The following NKAIN3 variants were observed in gnomAD, a reference collection of about 807,000 sequenced individuals.
NKAIN3 encodes sodium/potassium-transporting ATPase subunit beta-1-interacting protein 3.
NKAIN3 carries 25 observed loss-of-function variants against 30.2 expected under a neutral mutation model. That is an observed-to-expected ratio of 0.83 (90% CI 0.60 to 1.16). The LOEUF is 1.16. Among genes scored for constraint, NKAIN3 ranks in the 50% most tolerant of loss-of-function variants. The probability of loss-of-function intolerance (pLI) is 0.00; values close to 1 mark genes in which losing one functional copy is unlikely to be tolerated. For synonymous variants in NKAIN3, 91 were observed against 89.6 expected (o/e 1.02, Z -0.09); for missense variants, 225 against 254.1 (o/e 0.89, Z 0.78).
At chr8:62,855,685 G>A in intron 4 of NKAIN3, 2 of 1,602,746 alleles carry the variant, frequency 1.2e-6, no homozygotes, top group Non-Finnish European at 1.7e-6. Context: ...TCTCAAAGCT[G>A]TCACTTCTGC....
chr8:62,915,246 C>A (rs1380768252), intron 4 of NKAIN3, among the ~76,000 whole-genome samples: 1 of 152,084 alleles, frequency 6.6e-6, no homozygotes, highest in South Asian at 2.1e-4. Flanking sequence ...ACATGGCAAA[C>A]GAGAATGAAT....
At chr8:62,538,315 T>C (rs1808730880) in intron 1 of NKAIN3, among the ~76,000 whole-genome samples, 2 of 151,968 alleles carry the variant, frequency 1.3e-5, no homozygotes, top group East Asian at 1.9e-4. Context: ...GCAAGGACCA[T>C]AGGCACCCAC....
At chr8:62,898,228 GA>G (rs5891877) in intron 4 of NKAIN3, among the ~76,000 whole-genome samples, 9 of 151,788 alleles carry the variant, frequency 5.9e-5, no homozygotes, top group South Asian at 4.2e-4. Context: ...GGAATCAAAG[GA>G]AAAAAATCAT....
At chr8:62,306,925 C>T (rs186920162) in intron 1 of NKAIN3, among the ~76,000 whole-genome samples, 3 of 150,154 alleles carry the variant, frequency 2.0e-5, no homozygotes, top group Non-Finnish European at 4.4e-5. Context: ...GCATACTGGT[C>T]ATGACCTTAC....
Position 62,819,588 on chromosome 8 carries a change from G to T in NKAIN3, c.471+72459G>T, listed in dbSNP as rs187852776. On this transcript the variant is annotated intron_variant, in intron 4 of 6. Coordinates refer to ENST00000623646, the MANE Select transcript of NKAIN3 (RefSeq NM_001304533.3). The stretch of plus-strand genomic sequence containing the variant: ...ATTTTCTTCTCAGTCATAGTCTCTT[G>T]TATTTCAGTTAGGTACCAGCCATGT... Among the ~76,000 whole-genome samples the T allele has an allele frequency of 5.3e-5, 8 of 151,996 alleles. No individual in the cohort carries two copies. The East Asian group carries it at 1.4e-3, about 26-fold the overall frequency.
chr8:62,655,904 G>C (rs1248824238), intron 3 of NKAIN3, among the ~76,000 whole-genome samples: 1 of 152,106 alleles, frequency 6.6e-6, no homozygotes, highest in Non-Finnish European at 1.5e-5. Flanking sequence ...ATAGGGTATG[G>C]GAAGTTACTA....
intron 1 of NKAIN3, among the ~76,000 whole-genome samples, chr8:62,500,068 C>A (rs1403247970): frequency 6.6e-6 from 1 of 151,958 alleles, no homozygotes; most frequent in Non-Finnish European, 1.5e-5. Context: ...GCATGAGTAC[C>A]GCTTGTCACT....
In NKAIN3 at chr8:62,983,987, G is replaced by A. The variant is rs978162754; in HGVS notation, c.*18580G>A. 4 of 152,174 alleles carry A rather than the reference G, an allele frequency of 2.6e-5. No homozygotes were observed. Among genetic ancestry groups the A allele is most frequent in the Non-Finnish European group, 5.9e-5 (4 of 68,038 alleles). 9.4% of individuals were successfully genotyped at this position (152,174 alleles called of 1,614,324 possible). A position where few individuals can be genotyped will look rare whatever the true frequency, so the allele number is the denominator to read the frequency against. ...CAGACTAGGCAACTAAAGGAACTCA[G>A]TAAAAGATCAAAAGCAATGCTCAAA... is the stretch of plus-strand genomic sequence containing the variant. On this transcript the variant is annotated 3_prime_UTR_variant, in exon 7 of 7. Transcript: ENST00000623646.
intron 4 of NKAIN3, among the ~76,000 whole-genome samples, chr8:62,823,570 T>G (rs980381296): frequency 3.3e-5 from 5 of 152,176 alleles, no homozygotes; most frequent in African/African-American, 1.2e-4. Context: ...AAAAGAAGAA[T>G]GTTGCTTTGA....
chr8:62,635,549 G>T (rs1207285044), intron 3 of NKAIN3, among the ~76,000 whole-genome samples: 1 of 152,060 alleles, frequency 6.6e-6, no homozygotes, highest in Non-Finnish European at 1.5e-5. Flanking sequence ...TTAGTATGTT[G>T]ACAGCCTAAC....
intron 5 of NKAIN3, among the ~76,000 whole-genome samples, chr8:62,929,251 A>C (rs1399946161): frequency 1.3e-5 from 2 of 152,208 alleles, no homozygotes; most frequent in African/African-American, 2.4e-5. Flanking sequence ...AGTGAATTAA[A>C]GGGCAGATTG....
chr8:62,890,743 CCT>C (rs1821275080), intron 4 of NKAIN3, among the ~76,000 whole-genome samples: 1 of 152,162 alleles, frequency 6.6e-6, no homozygotes, highest in Non-Finnish European at 1.5e-5. Context: ...ATTGAGGTAC[CCT>C]CTCTGCAGGC....
At chr8:62,420,712 C>T (rs756949171) in intron 1 of NKAIN3, among the ~76,000 whole-genome samples, 151 of 151,708 alleles carry the variant, frequency 1.0e-3, no homozygotes, top group Non-Finnish European at 1.9e-3. Context: ...TTAAGATTAA[C>T]CAAATTTCAA....
At chr8:62,398,606 A>C (rs2129595074) in intron 1 of NKAIN3, among the ~76,000 whole-genome samples, 1 of 152,330 alleles carries the variant, frequency 6.6e-6, no homozygotes, top group East Asian at 1.9e-4. Flanking sequence ...ACACGTTACA[A>C]GCCTCAATAG....
intron 2 of NKAIN3, among the ~76,000 whole-genome samples, chr8:62,587,188 C>T (rs1462261280): frequency 1.3e-5 from 2 of 151,882 alleles, no homozygotes; most frequent in African/African-American, 2.4e-5. Context: ...CTTTTATACT[C>T]ATGATCAGAT....
intron 1 of NKAIN3, among the ~76,000 whole-genome samples, chr8:62,311,254 G>A (rs1170156768): frequency 6.7e-6 from 1 of 150,368 alleles, no homozygotes; most frequent in Non-Finnish European, 1.5e-5. Flanking sequence ...TTGGTAAGGA[G>A]ATAGGCACAG....
chr8:62,518,677 A>T (rs1412856557), intron 1 of NKAIN3, among the ~76,000 whole-genome samples: 1 of 152,186 alleles, frequency 6.6e-6, no homozygotes, highest in Non-Finnish European at 1.5e-5. Flanking sequence ...GTTTTTTCCT[A>T]AAAACACATA....
At chr8:62,675,125 G>T (rs1813434347) in intron 3 of NKAIN3, among the ~76,000 whole-genome samples, 1 of 152,098 alleles carries the variant, frequency 6.6e-6, no homozygotes, top group African/African-American at 2.4e-5. Flanking sequence ...GCGAAATGAG[G>T]TTATGAATAT....
intron 4 of NKAIN3, among the ~76,000 whole-genome samples, chr8:62,771,245 T>C (rs778345528): frequency 2.6e-5 from 4 of 151,986 alleles, no homozygotes; most frequent in Non-Finnish European, 5.9e-5. Flanking sequence ...CAGGGCAAGA[T>C]AGCAAGATCC....
Sources: gnomAD v4.1 joint callset for allele counts (sites outside exome capture counted in the v4.1 genomes callset) on GRCh38, gnomAD v4.1.1 for gene constraint, MANE v1.5 for transcripts, NCBI Gene and HGNC (gene_info 2026-07-23, HGNC 2026-07-21) for gene names.